The following TAB1 variants were observed in gnomAD, a reference collection of about 807,000 sequenced individuals.
TAB1 encodes TGF-beta-activated kinase 1 and MAP3K7-binding protein 1.
A neutral mutation model predicts 54.5 loss-of-function variants in TAB1; 30 were observed. That is an observed-to-expected ratio of 0.55 (90% CI 0.41 to 0.75). TAB1 has a LOEUF of 0.75. TAB1 is among the 30% of genes least tolerant of loss of function. TAB1 has a pLI of 0.00. For synonymous variants in TAB1, 289 were observed against 286.9 expected, an observed-to-expected ratio of 1.01 and a Z score of -0.07; for missense variants, 609 against 683.2, an observed-to-expected ratio of 0.89 and a Z score of 1.21.
chr22:39,421,852 G>C lies in TAB1; in HGVS notation c.802G>C (p.Ala268Pro). ...LSAAKSKPII[A>P]EPEIHGAQPL... ...CGCTGCCAAGTCCAAACCAATCATCGCAGAGCCAGAAATCCATGGGGCACA... is the reference window on the plus strand; with the variant it reads ...CGCTGCCAAGTCCAAACCAATCATCCCAGAGCCAGAAATCCATGGGGCACA... Residue 268 changes from alanine (A) to proline (P), a missense_variant, in exon 8 of 11, where the codon GCA (alanine) becomes CCA (proline). Transcript: ENST00000216160. The C allele has an allele frequency of 6.2e-7, 1 of 1,613,948 alleles. No homozygotes were observed. Among genetic ancestry groups the C allele is most frequent in the Non-Finnish European group, 8.5e-7 (1 of 1,179,972 alleles).
chr22:39,428,167 A>G lies in TAB1; in HGVS notation c.1291A>G (p.Thr431Ala). 1 of 1,604,440 alleles carries G rather than the reference A, an allele frequency of 6.2e-7. No homozygotes were observed. Among genetic ancestry groups the G allele is most frequent in the Non-Finnish European group, 8.5e-7 (1 of 1,173,310 alleles). Residue 431 changes from threonine (T) to alanine (A), a missense_variant, in exon 10 of 11, where the codon ACC becomes GCC. Coordinates refer to ENST00000216160, the MANE Select transcript of TAB1 (RefSeq NM_006116.3). ...AHSASTLDEA[T>A]PTLTNQSPTL... Reference sequence around the variant, plus strand: ...CAGTGCTTCCACCCTGGACGAAGCCACCCCCACCCTCACCAAGTAAGTCCC... The same window carrying G: ...CAGTGCTTCCACCCTGGACGAAGCCGCCCCCACCCTCACCAAGTAAGTCCC...
intron 8 of TAB1, among the ~76,000 whole-genome samples, chr22:39,425,768 G>C (rs938088429): frequency 6.6e-6 from 1 of 151,260 alleles, no homozygotes; most frequent in South Asian, 2.1e-4. Flanking sequence ...GGATGGTCTC[G>C]ATCTCCTGAC....
Position 39,428,059 on chromosome 22 carries a change from T to C in TAB1, c.1183T>C (p.Ser395Pro). 1 of 1,613,188 alleles carries C rather than the reference T, an allele frequency of 6.2e-7. No individual in the cohort carries two copies. The highest frequency in any genetic ancestry group is 8.5e-7 in the Non-Finnish European group (1 of 1,179,290). Residue 395 changes from serine (S) to proline (P), a missense_variant, in exon 10 of 11, where the codon TCC becomes CCC. Ser to Pro is a moderately conservative substitution (Grantham distance 74, BLOSUM62 -1). Coordinates refer to ENST00000216160, the MANE Select transcript of TAB1 (RefSeq NM_006116.3). ...AGTGTACCCTGTGTCTGTGCCATACTCCAGCGCCCAGAGCACCAGCAAGAC... is the reference window on the plus strand; with the variant it reads ...AGTGTACCCTGTGTCTGTGCCATACCCCAGCGCCCAGAGCACCAGCAAGAC... ...GRVYPVSVPY[S>P]SAQSTSKTSV... is the part of the protein sequence containing the mutation.
At chr22:39,400,364 A>G (rs1389126644) in intron 1 of TAB1, among the ~76,000 whole-genome samples, 1 of 152,194 alleles carries the variant, frequency 6.6e-6, no homozygotes, top group Admixed American at 6.5e-5. Context: ...TTGAGGCAGG[A>G]TTAAAATCAG....
At chr22:39,417,168 G>A (rs111676231) in intron 4 of TAB1, among the ~76,000 whole-genome samples, 97 of 152,308 alleles carry the variant, frequency 6.4e-4, no homozygotes, top group African/African-American at 2.2e-3. Context: ...TGCTCACATC[G>A]CCTACTGCCA....
chr22:39,399,971 T>G, intron 1 of TAB1, 136 bp downstream of exon 1: 1 of 1,001,962 alleles, frequency 1.0e-6, no homozygotes. Context: ...CCTTCTCCTC[T>G]CCTCGGGCTG....
intron 1 of TAB1, among the ~76,000 whole-genome samples, chr22:39,411,270 A>G (rs1926594322): frequency 6.6e-6 from 1 of 152,250 alleles, no homozygotes; most frequent in Non-Finnish European, 1.5e-5. Context: ...ACATGACTCC[A>G]AAAGCATGAA....
chr22:39,433,898 GT>G (rs1927683266), downstream of TAB1: 1 of 811,584 alleles, frequency 1.2e-6, no homozygotes, highest in East Asian at 1.5e-4. Flanking sequence ...CCCCCTGCCC[GT>G]CTCCCTGTTG....
chr22:39,431,887 G>A (rs182970128), downstream of TAB1: 216 of 985,318 alleles, frequency 2.2e-4, 1 homozygote, highest in Non-Finnish European at 1.1e-4. Context: ...TATTAATAGC[G>A]CTGTTGCTCA....
chr22:39,413,124 C>T (rs1241545913), intron 1 of TAB1, among the ~76,000 whole-genome samples: 7 of 152,020 alleles, frequency 4.6e-5, no homozygotes, highest in African/African-American at 1.7e-4. Flanking sequence ...CCATGTTAGC[C>T]AGGATGGTCT....
At chr22:39,434,971 C>T (rs1288050305), downstream of TAB1, among the ~76,000 whole-genome samples, 1 of 152,232 alleles carries the variant, frequency 6.6e-6, no homozygotes, top group Non-Finnish European at 1.5e-5. Context: ...CTCCCCTCCC[C>T]CAGCCCTGGA....
chr22:39,408,693 G>T, intron 1 of TAB1, among the ~76,000 whole-genome samples: 1 of 152,244 alleles, frequency 6.6e-6, no homozygotes, highest in East Asian at 1.9e-4. Flanking sequence ...AGTAGAGACA[G>T]GGTTTCACCA....
chr22:39,402,022 C>G (rs1426208878), intron 1 of TAB1, among the ~76,000 whole-genome samples: 1 of 152,072 alleles, frequency 6.6e-6, no homozygotes, highest in Non-Finnish European at 1.5e-5. Context: ...GATACAATAC[C>G]TGGGGCACTG....
chr22:39,435,000 A>G (rs1008179780), downstream of TAB1, among the ~76,000 whole-genome samples: 3 of 152,248 alleles, frequency 2.0e-5, no homozygotes, highest in Admixed American at 1.3e-4. Context: ...CAGTCATCCC[A>G]GTAGCTCAGG....
chr22:39,401,092 C>T (rs1168489052), intron 1 of TAB1, among the ~76,000 whole-genome samples: 1 of 150,078 alleles, frequency 6.7e-6, no homozygotes, highest in Non-Finnish European at 1.5e-5. Context: ...GACCTGTGAT[C>T]TCTTGTTTAC....
rs990050505 is a variant in TAB1, at chr22:39,426,873, C to G, written c.1092C>G (p.Asn364Lys). 1 of 1,613,190 alleles carries G rather than the reference C, an allele frequency of 6.2e-7. No individual in the cohort carries two copies. Among genetic ancestry groups the G allele is most frequent in the Non-Finnish European group, 8.5e-7 (1 of 1,179,952 alleles). The change falls in exon 9 of 11, where the codon AAC (asparagine) becomes AAG (lysine). Residue 364 changes from asparagine to lysine, a missense_variant. By Grantham distance (94) the Asn-to-Lys change is moderately conservative (BLOSUM62 0). Coordinates refer to ENST00000216160, the MANE Select transcript of TAB1 (RefSeq NM_006116.3). ...RHEDMTLLVR[N>K]FGYPLGEMSQ... ...AGGACATGACCCTGCTAGTGAGGAA[C>G]TTTGGCTACCCGCTGGGCGAAATGA... is the stretch of plus-strand genomic sequence containing the variant.
chr22:39,415,824 G>C lies in TAB1; in HGVS notation c.324+171G>C, dbSNP rs1926809969. ...GGCCCCCCCACCCAACAGGAGTCCA[G>C]GACCAGCCAGCGAGCAGCAGGCCTT... is the stretch of plus-strand genomic sequence containing the variant. On this transcript the variant is annotated intron_variant, in intron 3 of 10. Transcript: ENST00000216160. The surrounding 1 kb of genome is among the most constrained non-coding windows in gnomAD (Gnocchi z 4.9). Among the ~76,000 whole-genome samples, 1 of 152,194 alleles carries C rather than the reference G, an allele frequency of 6.6e-6. No homozygotes were observed. Among genetic ancestry groups the C allele is most frequent in the African/African-American group, 2.4e-5 (1 of 41,446 alleles).
intron 1 of TAB1, among the ~76,000 whole-genome samples, chr22:39,405,074 T>C (rs1926305027): frequency 1.3e-5 from 2 of 152,220 alleles, no homozygotes; most frequent in Non-Finnish European, 1.5e-5. Flanking sequence ...ACAAAAACAC[T>C]TGGCCTTTTC....
rs1207792715 is a variant in TAB1, at chr22:39,428,057, A to G, written c.1181A>G (p.Tyr394Cys). The stretch of plus-strand genomic sequence containing the variant: ...CGAGTGTACCCTGTGTCTGTGCCAT[A>G]CTCCAGCGCCCAGAGCACCAGCAAG... ...GGRVYPVSVP[Y>C]SSAQSTSKTS... The change falls in exon 10 of 11, where the codon TAC becomes TGC. Residue 394 changes from tyrosine to cysteine, a missense_variant. By Grantham distance (194) the Tyr-to-Cys change is radical. Transcript: ENST00000216160. 2.5e-6 allele frequency: 4 copies of G among 1,612,222 alleles called. No homozygotes were observed. Among genetic ancestry groups the G allele is most frequent in the Non-Finnish European group, 2.5e-6 (3 of 1,178,778 alleles).
Sources: gnomAD v4.1 joint callset for allele counts (sites outside exome capture counted in the v4.1 genomes callset) on GRCh38, gnomAD v4.1.1 for gene constraint, Gnocchi (gnomAD v3.1) non-coding constraint, MANE v1.5 for transcripts, NCBI Gene and HGNC (gene_info 2026-07-23, HGNC 2026-07-21) for gene names.